Variants in ARSK observed in about 807,000 individuals in gnomAD.
ARSK encodes the protein arylsulfatase family member K, also known as arylsulfatase K.
In ARSK, 37 loss-of-function variants were observed where a neutral mutation model predicts 53.2. The ratio of observed to expected loss-of-function variants is 0.70; its 90% CI spans 0.54 to 0.92. The LOEUF (loss-of-function observed/expected upper bound fraction) is 0.92. Among genes scored for constraint, ARSK ranks in the 40% least tolerant of loss-of-function variants. The probability of loss-of-function intolerance (pLI) is 0.00; values close to 1 mark genes in which losing one functional copy is unlikely to be tolerated. For synonymous variants in ARSK, 208 were observed against 223.2 expected (o/e 0.93, Z 0.61); for missense variants, 613 against 643.0 (o/e 0.95, Z 0.51).
At chr5:95,586,168 T>C (rs1336499044) in intron 4 of ARSK, among the ~76,000 whole-genome samples, 2 of 152,172 alleles carry the variant, frequency 1.3e-5, no homozygotes, top group Non-Finnish European at 2.9e-5. Context: ...TCATTTTTAC[T>C]AGTGAATTAT....
chr5:95,603,077 T>C (rs1379461082), intron 7 of ARSK, among the ~76,000 whole-genome samples, 160 bp from the exon 8 acceptor site: 3 of 152,204 alleles, frequency 2.0e-5, no homozygotes, highest in African/African-American at 7.2e-5. Flanking sequence ...GTTTAACTCC[T>C]GGTATGTTAT....
Position 95,555,359 on chromosome 5 carries a change from A to G in ARSK, c.81A>G (p.Arg27=), listed in dbSNP as rs1748470517. 1.2e-6 allele frequency: 2 copies of G among 1,610,148 alleles called. No homozygotes were observed. The highest frequency in any genetic ancestry group is 3.3e-5 in the Admixed American group (2 of 59,894). Reference sequence around the variant, plus strand: ...CCGGAGCAGGGGAGCAGAGGCGGAGAGCAGCCAAAGCGCCCAATGTGGTGC... The same window carrying G: ...CCGGAGCAGGGGAGCAGAGGCGGAGGGCAGCCAAAGCGCCCAATGTGGTGC... ...LAPGAGEQRR[R]AAKAPNVVLV... is the part of the protein sequence containing the mutation. Residue 27 remains arginine, a synonymous_variant, in exon 1 of 8, where the codon AGA becomes AGG. Coordinates refer to ENST00000380009, the MANE Select transcript of ARSK (RefSeq NM_198150.3). This position sits in a 1 kb window ranked among gnomAD's most constrained non-coding sequence, Gnocchi z 4.0.
chr5:95,595,240 G>A lies in ARSK; in HGVS notation c.1096+3615G>A, dbSNP rs565624067. Among the ~76,000 whole-genome samples, 47 of 152,286 alleles carry A rather than the reference G, an allele frequency of 3.1e-4. No individual in the cohort carries two copies. The South Asian group carries it at 9.8e-3, about 32-fold the overall frequency. On this transcript the variant is annotated intron_variant, in intron 6 of 7. Transcript: ENST00000380009. ...ACACTTATACAGTGTTGGTGGGAGT[G>A]TAAATTAGTTCAGCCACTGTGGGAA...
intron 6 of ARSK, among the ~76,000 whole-genome samples, 169 bp downstream of exon 6, chr5:95,591,794 A>G (rs1366089036): frequency 2.0e-5 from 3 of 152,164 alleles, no homozygotes; most frequent in South Asian, 4.1e-4. Flanking sequence ...AAGAATGAAG[A>G]GATTGTTTTT....
At chr5:95,597,686 G>T (rs1009680913) in intron 6 of ARSK, among the ~76,000 whole-genome samples, 2 of 152,160 alleles carry the variant, frequency 1.3e-5, no homozygotes, top group African/African-American at 4.8e-5. Flanking sequence ...TTGAGGTCAA[G>T]AGTTCAAGAC....
intron 3 of ARSK, among the ~76,000 whole-genome samples, chr5:95,570,576 GT>G (rs1748810016): frequency 6.6e-6 from 1 of 152,168 alleles, no homozygotes; most frequent in African/African-American, 2.4e-5. Context: ...AAGTGTCAGT[GT>G]TCTGTAAGTT....
chr5:95,585,576 A>G (rs1749098909), intron 4 of ARSK, among the ~76,000 whole-genome samples: 1 of 152,202 alleles, frequency 6.6e-6, no homozygotes, highest in Admixed American at 6.5e-5. Context: ...AAAACCAAAC[A>G]TCATATGTTC....
At chr5:95,564,038 C>T (rs192251942) in intron 1 of ARSK, among the ~76,000 whole-genome samples, 9 of 140,490 alleles carry the variant, frequency 6.4e-5, no homozygotes, top group Admixed American at 3.9e-4. Flanking sequence ...AGTGCAGTGG[C>T]GCCATCTCAG....
chr5:95,580,477 T>A (rs531525310), intron 3 of ARSK, among the ~76,000 whole-genome samples: 37 of 152,200 alleles, frequency 2.4e-4, no homozygotes, highest in Non-Finnish European at 4.7e-4. Context: ...GTAGAGAGAA[T>A]TATAATGTCA....
chr5:95,573,048 A>G (rs1200187086), intron 3 of ARSK, among the ~76,000 whole-genome samples: 1 of 152,214 alleles, frequency 6.6e-6, no homozygotes, highest in Non-Finnish European at 1.5e-5. Flanking sequence ...TCCCTAACAA[A>G]GAATCATCAA....
chr5:95,557,763 G>C (rs1440579353), intron 1 of ARSK, among the ~76,000 whole-genome samples: 1 of 152,164 alleles, frequency 6.6e-6, no homozygotes, highest in African/African-American at 2.4e-5. Context: ...ATAGCAAATT[G>C]GTTTTACTTT....
intron 6 of ARSK, among the ~76,000 whole-genome samples, chr5:95,592,092 G>A (rs1227946471): frequency 6.6e-6 from 1 of 152,156 alleles, no homozygotes; most frequent in Non-Finnish European, 1.5e-5. Flanking sequence ...ATAGCCATAT[G>A]TCTAGAAAAG....
At chr5:95,583,922 G>T (rs1268525230) in intron 4 of ARSK, among the ~76,000 whole-genome samples, 1 of 152,094 alleles carries the variant, frequency 6.6e-6, no homozygotes, top group Non-Finnish European at 1.5e-5. Context: ...CGCTTTCTGT[G>T]GGACATCTTT....
At chr5:95,593,855 T>C (rs1434809112) in intron 6 of ARSK, among the ~76,000 whole-genome samples, 4 of 152,156 alleles carry the variant, frequency 2.6e-5, no homozygotes, top group African/African-American at 9.6e-5. Flanking sequence ...TCTAAAACTA[T>C]AGTTTTATAT....
At chr5:95,574,623 T>C (rs1319767989) in intron 3 of ARSK, among the ~76,000 whole-genome samples, 3 of 152,208 alleles carry the variant, frequency 2.0e-5, no homozygotes, top group African/African-American at 7.2e-5. Flanking sequence ...TATATCTATT[T>C]GCCATTCGTA....
chr5:95,596,306 T>A (rs961706283), intron 6 of ARSK, among the ~76,000 whole-genome samples: 1 of 152,212 alleles, frequency 6.6e-6, no homozygotes, highest in African/African-American at 2.4e-5. Context: ...TCTAACCAAT[T>A]AGGAGCTTAA....
In ARSK at chr5:95,566,122, G is replaced by A. The variant is rs1318458825; in HGVS notation, c.251G>A (p.Arg84His). 11 of 1,612,990 alleles carry A rather than the reference G, an allele frequency of 6.8e-6. No individual in the cohort carries two copies. Among genetic ancestry groups the A allele is most frequent in the South Asian group, 3.3e-5 (3 of 90,760 alleles). Residue 84 changes from arginine to histidine, a missense_variant, in exon 2 of 8, where the codon CGC becomes CAC. By Grantham distance (29) the Arg-to-His change is conservative (BLOSUM62 0). Transcript: ENST00000380009. Reference protein sequence around the residue: ...YTNSPICCPSRAAMWSGLFTH... With the variant: ...YTNSPICCPSHAAMWSGLFTH... ...AACTCTCCAATTTGTTGCCCATCACGCGCAGGTATGAACATCCTTAATATG... is the reference window on the plus strand; with the variant it reads ...AACTCTCCAATTTGTTGCCCATCACACGCAGGTATGAACATCCTTAATATG...
chr5:95,580,031 A>G (rs529190885), intron 3 of ARSK, among the ~76,000 whole-genome samples: 3 of 152,306 alleles, frequency 2.0e-5, no homozygotes, highest in East Asian at 3.9e-4. Flanking sequence ...CCTGTACTAC[A>G]CTTTGAGAGA....
At chr5:95,587,456 G>A (rs533084980) in intron 5 of ARSK, among the ~76,000 whole-genome samples, 9 of 152,270 alleles carry the variant, frequency 5.9e-5, no homozygotes, top group South Asian at 4.1e-4. Context: ...CTAGTGAAGC[G>A]TAGGTAGCAC....
Sources: gnomAD v4.1 joint callset for allele counts (sites outside exome capture counted in the v4.1 genomes callset) on GRCh38, gnomAD v4.1.1 for gene constraint, Gnocchi (gnomAD v3.1) non-coding constraint, MANE v1.5 for transcripts, NCBI Gene and HGNC (gene_info 2026-07-23, HGNC 2026-07-21) for gene names.